Variants in TTC23L observed in about 807,000 individuals in gnomAD.
TTC23L encodes the protein tetratricopeptide repeat domain 23 like.
A neutral mutation model predicts 48.1 loss-of-function variants in TTC23L; 42 were observed. That is an observed-to-expected ratio of 0.87 (90% confidence interval 0.68 to 1.13). The LOEUF is 1.13. Among genes scored for constraint, TTC23L ranks in the 50% most tolerant of loss-of-function variants. The pLI is 0.00. For synonymous variants in TTC23L, 159 were observed against 157.2 expected, an observed-to-expected ratio of 1.01 and a Z score of -0.09; for missense variants, 391 against 421.0, an observed-to-expected ratio of 0.93 and a Z score of 0.62.
rs183222676 is a variant in TTC23L, at chr5:34,897,177, G to A, written c.*97+302G>A. On this transcript the variant is annotated intron_variant, in intron 10 of 10. Coordinates refer to ENST00000505624, the Ensembl canonical transcript of TTC23L. ...AGGCAGGTGGATTGTCTGAGCTCAG[G>A]AGTTCGAGACCAGCCTGGGAAACAC... Among the ~76,000 whole-genome samples, 414 of 152,126 alleles carry A rather than the reference G, an allele frequency of 2.7e-3. 3 individuals carry two copies. Among genetic ancestry groups the A allele is most frequent in the Admixed American group, 0.024 (371 of 15,272 alleles).
intron 10 of TTC23L, among the ~76,000 whole-genome samples, chr5:34,898,570 T>C (rs1337816708): frequency 1.3e-5 from 2 of 152,178 alleles, no homozygotes; most frequent in African/African-American, 2.4e-5. Flanking sequence ...ATGAGACCCC[T>C]GGGCAACTAA....
At chr5:34,916,266 C>G in the TTC23L span, 3 of 163,460 alleles carry the variant, frequency 1.8e-5, no homozygotes, top group Admixed American at 6.2e-5. Flanking sequence ...ATTAGTATGC[C>G]CATATACTGC....
intron 3 of TTC23L, among the ~76,000 whole-genome samples, chr5:34,849,597 A>G (rs893976047): frequency 3.3e-5 from 5 of 152,234 alleles, no homozygotes; most frequent in Non-Finnish European, 5.9e-5. Context: ...CTGTGATTAG[A>G]TAAGGAATTA....
the TTC23L span, among the ~76,000 whole-genome samples, chr5:34,912,201 T>G: frequency 6.6e-6 from 1 of 152,232 alleles, no homozygotes; most frequent in Non-Finnish European, 1.5e-5. Context: ...TGTGTAACAG[T>G]GGATTGCTGT....
At chr5:34,892,805 T>C (rs911951251) in intron 9 of TTC23L, among the ~76,000 whole-genome samples, 3 of 151,994 alleles carry the variant, frequency 2.0e-5, no homozygotes, top group African/African-American at 7.2e-5. Context: ...CCTCGAGTGG[T>C]TGTAGTTTAA....
chr5:34,915,970 C>T, the TTC23L span: 4 of 1,445,434 alleles, frequency 2.8e-6, no homozygotes, highest in Non-Finnish European at 3.7e-6. Context: ...ACTTACTTGA[C>T]TACAGCCTTG....
At chr5:34,918,140 CAAAA>C in the TTC23L span, 60 of 103,366 alleles carry the variant, frequency 5.8e-4, no homozygotes, top group South Asian at 2.0e-3. Context: ...CCCATCTCTA[CAAAA>C]AAAAAAAAAA....
At chr5:34,906,797 T>C in the TTC23L span, 2 of 152,196 alleles carry the variant, frequency 1.3e-5, no homozygotes, top group Admixed American at 1.3e-4. Context: ...CGCCGTTCTT[T>C]GTTCACACTA....
the TTC23L span, chr5:34,922,855 T>G: frequency 1.5e-6 from 2 of 1,353,290 alleles, no homozygotes; most frequent in Non-Finnish European, 2.1e-6. Flanking sequence ...TTCAATTTAG[T>G]TTCACCCCCA....
intron 8 of TTC23L, among the ~76,000 whole-genome samples, chr5:34,873,057 C>T (rs1464917004): frequency 6.7e-6 from 1 of 149,556 alleles, no homozygotes; most frequent in Non-Finnish European, 1.5e-5. Context: ...AGGGAGACTC[C>T]GTCTCAAGAA....
chr5:34,890,835 T>TGGCCGGTCTTCTTGCTTCTGC (rs1441874774), intron 9 of TTC23L, among the ~76,000 whole-genome samples: 18 of 152,134 alleles, frequency 1.2e-4, no homozygotes, highest in Admixed American at 7.2e-4. Flanking sequence ...CAAACTTCTG[T>TGGCCGGTCTTCTTGCTTCTGC]GGCCGGTCTT....
chr5:34,922,706 G>C, the TTC23L span: 1 of 1,613,626 alleles, frequency 6.2e-7, no homozygotes, highest in South Asian at 1.1e-5. Context: ...TCATACCCTC[G>C]CTGAACTGAA....
chr5:34,875,803 T>C (rs1316901576), intron 8 of TTC23L, among the ~76,000 whole-genome samples: 6 of 152,134 alleles, frequency 3.9e-5, no homozygotes, highest in Non-Finnish European at 8.8e-5. Context: ...AATTGACATC[T>C]ATTGACTACT....
the TTC23L span, chr5:34,916,441 T>C: frequency 3.3e-5 from 5 of 152,376 alleles, no homozygotes; most frequent in African/African-American, 9.6e-5. Context: ...TCAACAGACA[T>C]TGAATGTGCC....
intron 4 of TTC23L, chr5:34,861,351 A>G (rs779270494): frequency 7.2e-5 from 12 of 166,378 alleles, no homozygotes; most frequent in Admixed American, 1.8e-4. Flanking sequence ...GAACTTCATC[A>G]TCCTATTTGG....
chr5:34,887,027 A>G (rs952037528), intron 9 of TTC23L, among the ~76,000 whole-genome samples: 9 of 152,352 alleles, frequency 5.9e-5, no homozygotes, highest in Middle Eastern at 3.4e-3. Context: ...ATGTCTCTAC[A>G]TAAAACCTAA....
chr5:34,915,058 C>T, the TTC23L span: 1 of 668,280 alleles, frequency 1.5e-6, no homozygotes. Context: ...AGGCTGAACA[C>T]GGCTGACCAG....
intron 1 of TTC23L, among the ~76,000 whole-genome samples, chr5:34,840,246 G>GGC (rs1554016526): frequency 7.0e-6 from 1 of 142,488 alleles, no homozygotes; most frequent in Non-Finnish European, 1.5e-5. Context: ...CCGGGGGGGG[G>GGC]GGGGAAAGCA....
At position 34,868,787 on chromosome 5, in the gene TTC23L, T is replaced by C; in HGVS notation, c.841-118T>C. 3 of 790,080 alleles carry C rather than the reference T, an allele frequency of 3.8e-6. No homozygotes were observed. In the South Asian group the frequency reaches 4.7e-5, roughly 12 times the overall value. 48.9% of individuals were successfully genotyped at this position (790,080 alleles called of 1,614,324 possible). ...CTTCTACGAATGAAGGTGAAATTAC[T>C]TGCACAAGACTCATAGCTAGGAAGT... On this transcript the variant is annotated intron_variant, in intron 7 of 10. Coordinates refer to ENST00000505624, the Ensembl canonical transcript of TTC23L.
Sources: allele counts gnomAD v4.1 joint callset (sites outside exome capture counted in the v4.1 genomes callset), GRCh38; gene constraint gnomAD v4.1.1; transcripts MANE v1.5; gene names NCBI Gene and HGNC (gene_info 2026-07-23, HGNC 2026-07-21).